CACNA2D4: variants seen among roughly 807,000 people sequenced by gnomAD.
CACNA2D4 encodes the protein calcium voltage-gated channel auxiliary subunit alpha2delta 4, also known as voltage-dependent calcium channel subunit alpha-2/delta-4.
In CACNA2D4, 157 loss-of-function variants were observed where a neutral mutation model predicts 163.8. The ratio of observed to expected loss-of-function variants is 0.96; its 90% CI spans 0.84 to 1.09. CACNA2D4 has a LOEUF of 1.09. CACNA2D4 is among the 50% of genes least tolerant of loss of function. CACNA2D4 has a pLI of 0.00. For synonymous variants in CACNA2D4, 598 were observed against 586.9 expected, an observed-to-expected ratio of 1.02 and a Z score of -0.27; for missense variants, 1,410 against 1,479.9, an observed-to-expected ratio of 0.95 and a Z score of 0.78.
chr12:1,899,362 C>T (rs1317582744), intron 6 of CACNA2D4, among the ~76,000 whole-genome samples: 4 of 151,588 alleles, frequency 2.6e-5, no homozygotes, highest in Non-Finnish European at 1.5e-5. Context: ...TAAGAGCAGT[C>T]AATGGAGACA....
At chr12:1,916,993 G>A (rs1866999450) in intron 1 of CACNA2D4, among the ~76,000 whole-genome samples, 1 of 152,172 alleles carries the variant, frequency 6.6e-6, no homozygotes, top group African/African-American at 2.4e-5. Flanking sequence ...GCCCACTCCT[G>A]GAGTTGGCCC....
chr12:1,831,189 C>A (rs781114635), intron 26 of CACNA2D4: 1 of 1,613,458 alleles, frequency 6.2e-7, no homozygotes, highest in Non-Finnish European at 8.5e-7. Context: ...GGACCGGCTG[C>A]CCCGCTCCAT....
chr12:1,799,585 TG>T lies in CACNA2D4; in HGVS notation c.2995+89del. ...GCTCAGCCCTGCTTGGGGTCATTCC[TG>T]GGACAGGTCATGGAGGGTGGGTTCT... On this transcript the variant is annotated intron_variant, in intron 34 of 37. Transcript: ENST00000382722. This position sits in a 1 kb window ranked among gnomAD's most constrained non-coding sequence, Gnocchi z 4.7. 1.4e-6 allele frequency: 2 copies of T among 1,387,850 alleles called. No individual in the cohort carries two copies. Among genetic ancestry groups the T allele is most frequent in the Non-Finnish European group, 2.0e-6 (2 of 1,000,364 alleles). The allele number at this position is 1,387,850 out of a possible 1,614,324, so 86.0% of individuals were successfully genotyped here.
At position 1,844,585 on chromosome 12, in the gene CACNA2D4, CTT is replaced by C. The variant is rs1865102178; in HGVS notation, c.2343-58_2343-57del. 1.3e-6 allele frequency: 2 copies of C among 1,565,910 alleles called. No individual in the cohort carries two copies. The highest frequency in any genetic ancestry group is 2.4e-5 in the South Asian group (2 of 84,984). ...CAGATCTGTGAACACAGTCATCACT[CTT>C]TCCTTTTCTCACACAAGGTCAACTT... On this transcript the variant is annotated intron_variant, in intron 24 of 37. Coordinates refer to ENST00000382722, the MANE Select transcript of CACNA2D4 (RefSeq NM_172364.5). The surrounding 1 kb of genome is among the most constrained non-coding windows in gnomAD (Gnocchi z 4.2).
chr12:1,800,097 G>T, intron 32 of CACNA2D4, 45 bp from the exon 33 acceptor site: 1 of 1,555,120 alleles, frequency 6.4e-7, no homozygotes, highest in Non-Finnish European at 8.7e-7. Flanking sequence ...GAGCCCTCCC[G>T]ACTTGGGTTC....
intron 18 of CACNA2D4, among the ~76,000 whole-genome samples, chr12:1,860,566 C>A (rs915032854): frequency 6.6e-6 from 1 of 152,166 alleles, no homozygotes; most frequent in Non-Finnish European, 1.5e-5. Context: ...ATGTGGCTAG[C>A]GGCTATATTG....
chr12:1,862,121 A>G (rs914521341), intron 18 of CACNA2D4, among the ~76,000 whole-genome samples: 1 of 152,192 alleles, frequency 6.6e-6, no homozygotes, highest in Non-Finnish European at 1.5e-5. Flanking sequence ...TTCTACGCTC[A>G]TCGATTGATG....
chr12:1,808,701 C>A (rs928689671), intron 29 of CACNA2D4, among the ~76,000 whole-genome samples: 31 of 152,216 alleles, frequency 2.0e-4, no homozygotes, highest in African/African-American at 7.2e-4. Context: ...AAAGCCAACA[C>A]CACGGGAGGC....
At chr12:1,840,297 T>C (rs10744555) in intron 26 of CACNA2D4, among the ~76,000 whole-genome samples, 135,016 of 151,586 alleles carry the variant, frequency 0.89, 60,114 homozygotes, top group East Asian at 1. Flanking sequence ...CGCCAGCCTT[T>C]CTTTCAGCTA....
At chr12:1,884,014 G>T in intron 12 of CACNA2D4, 1 of 528,834 alleles carries the variant, frequency 1.9e-6, no homozygotes, top group South Asian at 3.2e-5. Context: ...CAGAGTCCAT[G>T]GCTTACTTTG....
At position 1,908,014 on chromosome 12, in the gene CACNA2D4, C is replaced by G. The variant is rs762847427; in HGVS notation, c.510G>C (p.Leu170=). The change falls in exon 5 of 38, where the codon CTG becomes CTC. Residue 170 remains leucine (L), a synonymous_variant. Transcript: ENST00000382722. ...SLVFDYYNSV[L]INERDEKGNF... ...TGCCCTTCTCGTCCCTCTCGTTGAT[C>G]AGGACCGAGTTGTAATAGTCGAACT... 1.9e-6 allele frequency: 3 copies of G among 1,613,716 alleles called. No homozygotes were observed. The South Asian group carries it at 3.3e-5, about 18-fold the overall frequency.
At chr12:1,918,049 A>G (rs1867036697) in intron 1 of CACNA2D4, 198 bp downstream of exon 1, 1 of 559,400 alleles carries the variant, frequency 1.8e-6, no homozygotes, top group Non-Finnish European at 3.1e-6. Flanking sequence ...CAGAACTCAC[A>G]GAGCTTTTGG....
intron 25 of CACNA2D4, among the ~76,000 whole-genome samples, chr12:1,842,122 C>T (rs945609248): frequency 2.6e-5 from 4 of 152,202 alleles, no homozygotes; most frequent in Non-Finnish European, 5.9e-5. Flanking sequence ...CCTAATGAGG[C>T]AGTCTCTGGG....
Position 1,828,538 on chromosome 12 carries a change from C to G in CACNA2D4, c.2551+12201G>C, listed in dbSNP as rs1014474586. On this transcript the variant is annotated intron_variant, in intron 26 of 37. Transcript: ENST00000382722. This position sits in a 1 kb window ranked among gnomAD's most constrained non-coding sequence, Gnocchi z 4.2. ...GAGAAGAGCTCTGCTGGAATGCAGG[C>G]CTGCTGAGTCTTAAACAGCCTCACT... Among the ~76,000 whole-genome samples, 1 of 152,218 alleles carries G rather than the reference C, an allele frequency of 6.6e-6. No homozygotes were observed. The highest frequency in any genetic ancestry group is 1.5e-5 in the Non-Finnish European group (1 of 68,040).
chr12:1,816,793 C>G (rs890714484), intron 26 of CACNA2D4, among the ~76,000 whole-genome samples: 2 of 152,276 alleles, frequency 1.3e-5, no homozygotes, highest in African/African-American at 2.4e-5. Flanking sequence ...TATGCACACA[C>G]GGACACACAT....
intron 37 of CACNA2D4, among the ~76,000 whole-genome samples, chr12:1,794,336 C>T (rs1317956582): frequency 6.6e-6 from 1 of 152,186 alleles, no homozygotes; most frequent in Non-Finnish European, 1.5e-5. Flanking sequence ...TGTGCTTTCA[C>T]ACCAGCACTT....
rs1040114577 is a variant in CACNA2D4, at chr12:1,799,560, G to A, written c.2995+115C>T. The A allele has an allele frequency of 1.6e-5, 18 of 1,109,822 alleles. No homozygotes were observed. Among genetic ancestry groups the A allele is most frequent in the Non-Finnish European group, 2.3e-5 (17 of 754,726 alleles). 68.7% of individuals were successfully genotyped at this position (1,109,822 alleles called of 1,614,324 possible). A position where few individuals can be genotyped will look rare whatever the true frequency, so the allele number is the denominator to read the frequency against. On this transcript the variant is annotated intron_variant, in intron 34 of 37. Transcript: ENST00000382722. The surrounding 1 kb of genome is among the most constrained non-coding windows in gnomAD (Gnocchi z 4.7). ...AGGAATGGTACTTTAAACCAGGAGA[G>A]CTCAGCCCTGCTTGGGGTCATTCCT...
chr12:1,843,687 T>A lies in CACNA2D4; in HGVS notation c.2470+715A>T, dbSNP rs1865081295. ...AGACACTGAAGCCTCTGCAGGATTT[T>A]TCCGGTGCTCTGTTAGAGTCACTTA... On this transcript the variant is annotated intron_variant, in intron 25 of 37. Coordinates refer to ENST00000382722, the MANE Select transcript of CACNA2D4 (RefSeq NM_172364.5). The surrounding 1 kb of genome is among the most constrained non-coding windows in gnomAD (Gnocchi z 4.6). 6.6e-6 allele frequency among the ~76,000 whole-genome samples: 1 copy of A among 152,212 alleles called. No individual in the cohort carries two copies. The highest frequency in any genetic ancestry group is 6.5e-5 in the Admixed American group (1 of 15,288).
At position 1,879,887 on chromosome 12, in the gene CACNA2D4, AGGGAG is replaced by A; in HGVS notation, c.1486-11_1486-7del. The A allele has an allele frequency of 6.3e-7, 1 of 1,589,494 alleles. No individual in the cohort carries two copies. The highest frequency in any genetic ancestry group is 8.6e-7 in the Non-Finnish European group (1 of 1,167,682). On this transcript the variant is annotated splice_polypyrimidine_tract_variant and splice_region_variant and intron_variant, in intron 13 of 37. Coordinates refer to ENST00000382722, the MANE Select transcript of CACNA2D4 (RefSeq NM_172364.5). ...TGAGCCTGCGAGCTGAGGAGCTGTA[AGGGAG>A]GGGAGAACAGGGGTCAGAAGGTGCG...
Sources: allele counts gnomAD v4.1 joint callset (sites outside exome capture counted in the v4.1 genomes callset), GRCh38; gene constraint gnomAD v4.1.1; non-coding constraint Gnocchi (gnomAD v3.1); transcripts MANE v1.5; gene names NCBI Gene and HGNC (gene_info 2026-07-23, HGNC 2026-07-21).